Variants in SAMD3 observed in about 807,000 individuals in gnomAD.
SAMD3 encodes sterile alpha motif domain-containing protein 3.
Under a neutral mutation model 58.5 loss-of-function variants are expected in SAMD3, and 63 were observed. The ratio of observed to expected loss-of-function variants is 1.08; its 90% CI spans 0.88 to 1.33. The LOEUF (loss-of-function observed/expected upper bound fraction) is 1.33. Ranked by LOEUF, SAMD3 falls within the 40% of genes most tolerant of loss-of-function variation. SAMD3 has a pLI of 0.00. For synonymous variants in SAMD3, 220 were observed against 210.3 expected (o/e 1.05, Z -0.40); for missense variants, 604 against 608.4 (o/e 0.99, Z 0.08).
At chr6:130,360,039 T>C (rs574926748) in intron 1 of SAMD3, among the ~76,000 whole-genome samples, 1 of 152,200 alleles carries the variant, frequency 6.6e-6, no homozygotes, top group South Asian at 2.1e-4. Flanking sequence ...ATTGAAGGAG[T>C]GGCAAAGAAT....
chr6:130,246,153 C>T (rs544347502), intron 2 of SAMD3, among the ~76,000 whole-genome samples: 1 of 152,138 alleles, frequency 6.6e-6, no homozygotes. Flanking sequence ...TCCTGGAGAA[C>T]AAAGATCAAG....
intron 2 of SAMD3, among the ~76,000 whole-genome samples, chr6:130,261,692 A>G (rs1774145201): frequency 6.6e-6 from 1 of 152,148 alleles, no homozygotes; most frequent in Admixed American, 6.5e-5. Context: ...AAAAGGATTT[A>G]AAGGAGACTA....
intron 1 of SAMD3, among the ~76,000 whole-genome samples, chr6:130,316,015 G>A (rs1776354135): frequency 1.3e-5 from 2 of 152,290 alleles, no homozygotes; most frequent in South Asian, 4.1e-4. Context: ...TAGGGGCCGG[G>A]CGTGGTGGCT....
At chr6:130,266,782 C>G (rs1240027116) in intron 2 of SAMD3, among the ~76,000 whole-genome samples, 1 of 152,144 alleles carries the variant, frequency 6.6e-6, no homozygotes, top group African/African-American at 2.4e-5. Context: ...CAGGCGAACT[C>G]CTAGGCTTCC....
At chr6:130,176,113 A>AAATT in intron 7 of SAMD3, 105 bp from the exon 8 acceptor site, 1 of 899,832 alleles carries the variant, frequency 1.1e-6, no homozygotes, top group Non-Finnish European at 1.8e-6. Context: ...TTTGGGCTTG[A>AAATT]AATTATTTTC....
chr6:130,337,776 C>T (rs1264906922), intron 1 of SAMD3, among the ~76,000 whole-genome samples: 2 of 152,148 alleles, frequency 1.3e-5, no homozygotes, highest in Admixed American at 1.3e-4. Flanking sequence ...GGCATTTTGC[C>T]CGTGCCGTAG....
At chr6:130,343,020 T>C (rs1464290125) in intron 1 of SAMD3, among the ~76,000 whole-genome samples, 2 of 151,986 alleles carry the variant, frequency 1.3e-5, no homozygotes, top group Non-Finnish European at 2.9e-5. Flanking sequence ...AGACAACTTT[T>C]TGGAAGTTTA....
intron 8 of SAMD3, among the ~76,000 whole-genome samples, chr6:130,173,230 G>C (rs140986874): frequency 2.0e-5 from 3 of 152,204 alleles, no homozygotes; most frequent in African/African-American, 7.2e-5. Context: ...TGCCCTTGTT[G>C]GAAAGGAGTT....
chr6:130,207,339 C>G (rs747916012), intron 5 of SAMD3, among the ~76,000 whole-genome samples: 3 of 152,096 alleles, frequency 2.0e-5, no homozygotes, highest in Non-Finnish European at 4.4e-5. Context: ...TGCTTCCACT[C>G]TGCTTGGAAC....
At chr6:130,296,288 G>C (rs558337664) in intron 2 of SAMD3, among the ~76,000 whole-genome samples, 70 of 152,284 alleles carry the variant, frequency 4.6e-4, no homozygotes, top group African/African-American at 1.7e-3. Flanking sequence ...CTGTTGGAGT[G>C]CCTATGGGAA....
chr6:130,290,071 T>C (rs1347785010), intron 2 of SAMD3, among the ~76,000 whole-genome samples: 1 of 152,238 alleles, frequency 6.6e-6, no homozygotes, highest in Non-Finnish European at 1.5e-5. Context: ...ATAAAGGTTA[T>C]ATAATATAAT....
At chr6:130,215,409 G>A in intron 2 of SAMD3, 115 bp from the exon 3 acceptor site, 1 of 1,222,282 alleles carries the variant, frequency 8.2e-7, no homozygotes, top group Admixed American at 3.8e-5. Context: ...TCAATGTTAA[G>A]CTTTTTTAAA....
At chr6:130,153,889 C>T (rs892968640) in intron 9 of SAMD3, among the ~76,000 whole-genome samples, 8 of 151,480 alleles carry the variant, frequency 5.3e-5, no homozygotes, top group South Asian at 2.1e-4. Flanking sequence ...GTTGCTGAGG[C>T]GGGTCTTGAA....
chr6:130,356,868 A>T (rs1442765776), intron 1 of SAMD3, among the ~76,000 whole-genome samples: 1 of 152,152 alleles, frequency 6.6e-6, no homozygotes, highest in Non-Finnish European at 1.5e-5. Context: ...AGCCACAATT[A>T]ATTCATATTT....
Position 130,145,351 on chromosome 6 carries a change from T to C in SAMD3, c.1267A>G (p.Met423Val). The C allele has an allele frequency of 6.2e-7, 1 of 1,606,816 alleles. No individual in the cohort carries two copies. Among genetic ancestry groups the C allele is most frequent in the Non-Finnish European group, 8.5e-7 (1 of 1,174,342 alleles). ...CACATACTACATACCTGTTCATTCA[T>C]GATGACAAAAAGGCTGGGATCATCC... The part of the protein sequence containing the change: ...FGDDPSLFVI[M>V]NEQVQVSTPV... Residue 423 changes from methionine (M) to valine (V), a missense_variant, in exon 11 of 12, where the codon ATG becomes GTG. By Grantham distance (21) the Met-to-Val change is conservative (BLOSUM62 1). Transcript: ENST00000439090.
At chr6:130,173,401 C>T (rs1791423140) in intron 8 of SAMD3, among the ~76,000 whole-genome samples, 1 of 152,152 alleles carries the variant, frequency 6.6e-6, no homozygotes, top group Non-Finnish European at 1.5e-5. Context: ...GATGATGTTG[C>T]TTTTTGTTTG....
chr6:130,257,746 T>A (rs1034084957), intron 2 of SAMD3, among the ~76,000 whole-genome samples: 45 of 152,192 alleles, frequency 3.0e-4, no homozygotes, highest in Non-Finnish European at 8.8e-5. Context: ...TACAACTTGA[T>A]GAATTTAATA....
At chr6:130,315,572 G>T (rs1397913641) in intron 1 of SAMD3, among the ~76,000 whole-genome samples, 1 of 152,134 alleles carries the variant, frequency 6.6e-6, no homozygotes, top group Non-Finnish European at 1.5e-5. Context: ...AATTTAAATT[G>T]TTGACACGAA....
intron 1 of SAMD3, among the ~76,000 whole-genome samples, chr6:130,319,498 T>A (rs1296603857): frequency 6.6e-6 from 1 of 152,068 alleles, no homozygotes. Context: ...CATCAGTAAA[T>A]ACTGAAAAAA....
Sources: allele counts gnomAD v4.1 joint callset (sites outside exome capture counted in the v4.1 genomes callset), GRCh38; gene constraint gnomAD v4.1.1; transcripts MANE v1.5; gene names NCBI Gene and HGNC (gene_info 2026-07-23, HGNC 2026-07-21).